Variants in TTC3 observed in about 807,000 individuals in gnomAD.
TTC3 encodes the protein tetratricopeptide repeat domain 3.
TTC3 carries 180 observed loss-of-function variants against 249.6 expected under a neutral mutation model. The observed-to-expected ratio is 0.72, with a 90% CI of 0.64 to 0.82. TTC3 has a LOEUF of 0.82. Ranked by LOEUF, TTC3 falls within the 40% of genes least tolerant of loss-of-function variation. The probability of loss-of-function intolerance (pLI) is 0.00; values close to 1 mark genes in which losing one functional copy is unlikely to be tolerated. For synonymous variants in TTC3, 717 were observed against 805.0 expected (o/e 0.89, Z 1.85); for missense variants, 2,061 against 2,398.4 (o/e 0.86, Z 2.94).
At chr21:37,192,185 C>T (rs2084223634) in exon 41 of TTC3, 1 of 1,606,846 alleles carries the variant, frequency 6.2e-7, no homozygotes, top group Non-Finnish European at 8.5e-7. Flanking sequence ...GTGCAGATTT[C>T]TGAGCTTTCA....
At chr21:37,077,519 T>A (rs1297100996) in intron 1 of TTC3, among the ~76,000 whole-genome samples, 1 of 152,240 alleles carries the variant, frequency 6.6e-6, no homozygotes, top group Non-Finnish European at 1.5e-5. Flanking sequence ...GTTTGTACTT[T>A]GGCCAGCAGT....
chr21:37,166,022 C>T lies in TTC3; in HGVS notation c.3808C>T (p.Gln1270Ter). The change falls in exon 33 of 46, where the codon CAA (glutamine) becomes TAA (stop). Residue 1270 changes from glutamine to a stop codon, truncating the protein, a stop_gained. Transcript: ENST00000355666. LOFTEE classifies it high-confidence loss of function. Reference sequence around the variant, plus strand: ...TTCTAGACAAGTTTCTGAGGATGGGCAACCCAAAGGGGTCTCTTCTAATTC... The same window carrying T: ...TTCTAGACAAGTTTCTGAGGATGGGTAACCCAAAGGGGTCTCTTCTAATTC... 6.2e-7 allele frequency: 1 copy of T among 1,614,172 alleles called. No individual in the cohort carries two copies. The highest frequency in any genetic ancestry group is 8.5e-7 in the Non-Finnish European group (1 of 1,180,032).
intron 22 of TTC3, among the ~76,000 whole-genome samples, chr21:37,148,267 G>C (rs558719935): frequency 6.6e-6 from 1 of 152,180 alleles, no homozygotes; most frequent in Non-Finnish European, 1.5e-5. Flanking sequence ...TTAGCTGTTA[G>C]AGACCTAAAT....
intron 10 of TTC3, chr21:37,098,490 G>C (rs1381056038): frequency 6.6e-6 from 1 of 152,370 alleles, no homozygotes; most frequent in Admixed American, 6.5e-5. Flanking sequence ...GCCAAGAGCA[G>C]CTTGTGGATC....
At chr21:37,095,763 CA>C (rs923218405) in intron 9 of TTC3, among the ~76,000 whole-genome samples, 8 of 152,174 alleles carry the variant, frequency 5.3e-5, no homozygotes. Flanking sequence ...ATTAACTGGT[CA>C]AAAAGGATTA....
chr21:37,090,411 C>A, intron 6 of TTC3, 125 bp downstream of exon 6: 3 of 1,031,280 alleles, frequency 2.9e-6, no homozygotes, highest in Non-Finnish European at 4.1e-6. Flanking sequence ...GTAGTATTGA[C>A]TTCTATATTT....
intron 9 of TTC3, among the ~76,000 whole-genome samples, chr21:37,096,301 T>C (rs1279507567): frequency 6.6e-6 from 1 of 152,248 alleles, no homozygotes; most frequent in Non-Finnish European, 1.5e-5. Context: ...CTCTTTAATA[T>C]GTCTCGTTTG....
chr21:37,132,279 C>G (rs1198025916), intron 16 of TTC3, among the ~76,000 whole-genome samples: 1 of 151,800 alleles, frequency 6.6e-6, no homozygotes, highest in Non-Finnish European at 1.5e-5. Flanking sequence ...TTTTTTTCTT[C>G]TATCTGTCAC....
At chr21:37,144,444 C>T in intron 20 of TTC3, 81 bp from the exon 21 acceptor site, 1 of 1,480,758 alleles carries the variant, frequency 6.8e-7, no homozygotes, top group Non-Finnish European at 9.1e-7. Flanking sequence ...TCCCAGTAAG[C>T]TTGAGATCTT....
exon 32 of TTC3, chr21:37,164,108 T>A: frequency 6.2e-7 from 1 of 1,613,462 alleles, no homozygotes; most frequent in Non-Finnish European, 8.5e-7. Context: ...TTCGGCAAGA[T>A]GTAGAAGAAT....
intron 11 of TTC3, among the ~76,000 whole-genome samples, chr21:37,111,492 GAACT>G (rs2075657625): frequency 6.6e-6 from 1 of 152,170 alleles, no homozygotes; most frequent in African/African-American, 2.4e-5. Flanking sequence ...TCAACAAGAA[GAACT>G]AACTATCCTA....
intron 35 of TTC3, among the ~76,000 whole-genome samples, chr21:37,179,285 T>C (rs1602030610): frequency 6.6e-6 from 1 of 152,116 alleles, no homozygotes; most frequent in Admixed American, 6.5e-5. Context: ...AGACCCTGTC[T>C]CAAAAAAACA....
chr21:37,168,000 A>G (rs1241478579), intron 34 of TTC3, among the ~76,000 whole-genome samples: 1 of 152,130 alleles, frequency 6.6e-6, no homozygotes. Context: ...ATTCATGCGA[A>G]TAATACAGAA....
At chr21:37,120,325 C>A (rs946971464) in intron 11 of TTC3, among the ~76,000 whole-genome samples, 1 of 152,118 alleles carries the variant, frequency 6.6e-6, no homozygotes, top group Admixed American at 6.5e-5. Flanking sequence ...TGAATTAAGT[C>A]TTTTCTCAAC....
Position 37,126,151 on chromosome 21 carries a change from T to G in TTC3, c.1297+8T>G, listed in dbSNP as rs555887772. The G allele has an allele frequency of 6.2e-7, 1 of 1,610,668 alleles. No individual in the cohort carries two copies. The highest frequency in any genetic ancestry group is 1.1e-5 in the South Asian group (1 of 90,072). ...AATTTTCACCACCATCAAGTGAGTA[T>G]TGTTTTTATATCAATTGTTGCCAAG... is the stretch of plus-strand genomic sequence containing the variant. On this transcript the variant is annotated splice_region_variant and intron_variant, in intron 15 of 45. Coordinates refer to ENST00000355666, the Ensembl canonical transcript of TTC3.
intron 4 of TTC3, 71 bp from the exon 5 acceptor site, chr21:37,088,728 G>C: frequency 7.2e-7 from 1 of 1,381,294 alleles, no homozygotes; most frequent in Non-Finnish European, 1.0e-6. Context: ...GAGATATATA[G>C]CTAAGCATAA....
At chr21:37,198,115 A>G (rs1204568330) in intron 44 of TTC3, 90 bp downstream of exon 44, 1 of 1,411,494 alleles carries the variant, frequency 7.1e-7, no homozygotes, top group Non-Finnish European at 9.4e-7. Context: ...TCATTTCTAG[A>G]CCTAATTTAT....
chr21:37,086,996 G>C, intron 1 of TTC3: 1 of 452,562 alleles, frequency 2.2e-6, no homozygotes, highest in Non-Finnish European at 3.9e-6. Context: ...CATGTAAACA[G>C]GTTAACTTAG....
intron 41 of TTC3, 59 bp downstream of exon 41, chr21:37,192,272 A>T: frequency 2.6e-6 from 3 of 1,160,388 alleles, no homozygotes; most frequent in Non-Finnish European, 3.7e-6. Context: ...TAACTGGCCA[A>T]AGTAGTTATT....
Sources: allele counts gnomAD v4.1 joint callset (sites outside exome capture counted in the v4.1 genomes callset), GRCh38; gene constraint gnomAD v4.1.1; transcripts MANE v1.5; gene names NCBI Gene and HGNC (gene_info 2026-07-23, HGNC 2026-07-21).